Variants in DCC observed in about 807,000 individuals in gnomAD.
The protein encoded by DCC is netrin receptor DCC.
In DCC, 58 loss-of-function variants were observed where a neutral mutation model predicts 172.5. The observed-to-expected ratio is 0.34, with a 90% CI of 0.27 to 0.42. DCC has a LOEUF of 0.42. Ranked by LOEUF, DCC falls within the 10% of genes least tolerant of loss-of-function variation. The pLI, the probability that DCC is intolerant of heterozygous loss-of-function variation, is 1.00. For missense variants in DCC, 1,740 were observed against 1,791.0 expected (o/e 0.97, Z 0.51); for synonymous variants, 709 against 644.5 (o/e 1.10, Z -1.52).
At chr18:53,430,481 A>T (rs540334122) in intron 21 of DCC, among the ~76,000 whole-genome samples, 18 of 152,288 alleles carry the variant, frequency 1.2e-4, no homozygotes, top group East Asian at 7.7e-4. Context: ...ACTAGACTCT[A>T]GGACTGAAAT....
At chr18:52,372,548 C>T (rs114422250) in intron 1 of DCC, among the ~76,000 whole-genome samples, 122 of 152,246 alleles carry the variant, frequency 8.0e-4, no homozygotes, top group African/African-American at 2.7e-3. Context: ...TATATACTAC[C>T]TATTACATGG....
chr18:53,057,144 T>A (rs542969707), intron 5 of DCC, among the ~76,000 whole-genome samples: 2 of 149,160 alleles, frequency 1.3e-5, no homozygotes, highest in African/African-American at 4.9e-5. Context: ...AAAATACTTA[T>A]GGGCATTTAT....
rs144273140 is a variant in DCC at position 53,179,288 on chromosome 18, T to A, written c.1573+172T>A. ...TTTAAAAGATAACTTGTAAATAGAA[T>A]GGCCTCTTCACTTAGGCCACATACC... On this transcript the variant is annotated intron_variant, in intron 9 of 28. Coordinates refer to ENST00000442544, the MANE Select transcript of DCC (RefSeq NM_005215.4). 1.6e-3 allele frequency among the ~76,000 whole-genome samples: 244 copies of A among 152,354 alleles called. 1 individual carries two copies. The highest frequency in any genetic ancestry group is 5.5e-3 in the African/African-American group (230 of 41,592).
chr18:52,436,188 T>C (rs748601892), intron 1 of DCC, among the ~76,000 whole-genome samples: 19 of 152,196 alleles, frequency 1.2e-4, no homozygotes, highest in Non-Finnish European at 5.9e-5. Flanking sequence ...ACAAAGTTCA[T>C]CTGGACTAAG....
At chr18:52,865,546 ATGGTATCTCAT>A (rs772825385) in intron 2 of DCC, among the ~76,000 whole-genome samples, 36 of 151,540 alleles carry the variant, frequency 2.4e-4, no homozygotes, top group Admixed American at 3.3e-4. Flanking sequence ...CTGGCATGAG[ATGGTATCTCAT>A]TGTGGTTTTG....
intron 1 of DCC, among the ~76,000 whole-genome samples, chr18:52,510,877 C>T (rs2144646879): frequency 6.6e-6 from 1 of 152,054 alleles, no homozygotes; most frequent in African/African-American, 2.4e-5. Context: ...TAAATGATCC[C>T]TGAGAGAGTT....
chr18:53,007,239 G>A (rs1289286294), intron 5 of DCC, among the ~76,000 whole-genome samples: 1 of 152,162 alleles, frequency 6.6e-6, no homozygotes, highest in African/African-American at 2.4e-5. Flanking sequence ...ATTTAGGGCT[G>A]TGTGGTTGGT....
intron 21 of DCC, among the ~76,000 whole-genome samples, chr18:53,428,331 T>TA (rs1290521604): frequency 9.4e-5 from 3 of 31,950 alleles, no homozygotes; most frequent in African/African-American, 2.2e-4. Context: ...TATAATATAA[T>TA]ATATTGTATA....
chr18:52,710,142 C>T (rs1003274764), intron 1 of DCC, among the ~76,000 whole-genome samples: 9 of 152,160 alleles, frequency 5.9e-5, no homozygotes, highest in Non-Finnish European at 1.0e-4. Context: ...TACAAAGATG[C>T]TTATTGCAGC....
At chr18:53,011,023 A>T (rs2041722975) in intron 5 of DCC, among the ~76,000 whole-genome samples, 1 of 151,354 alleles carries the variant, frequency 6.6e-6, no homozygotes, top group African/African-American at 2.4e-5. Flanking sequence ...TACAAATGCA[A>T]ATTTAAATTG....
intron 2 of DCC, among the ~76,000 whole-genome samples, chr18:52,778,080 G>A (rs2037465803): frequency 6.6e-6 from 1 of 152,160 alleles, no homozygotes; most frequent in Admixed American, 6.5e-5. Context: ...GCAAATCGTG[G>A]CAAAAGTGAA....
chr18:53,076,300 A>G (rs145263001), intron 7 of DCC, among the ~76,000 whole-genome samples: 12 of 152,250 alleles, frequency 7.9e-5, no homozygotes, highest in East Asian at 7.7e-4. Flanking sequence ...GGTCACTGGG[A>G]GTCATGGTAA....
chr18:52,874,780 A>G (rs980890269), intron 2 of DCC, among the ~76,000 whole-genome samples: 5 of 152,196 alleles, frequency 3.3e-5, no homozygotes, highest in African/African-American at 7.2e-5. Context: ...GAGGTCATAG[A>G]GACAGAAGGC....
intron 1 of DCC, among the ~76,000 whole-genome samples, chr18:52,535,482 A>T (rs975509911): frequency 3.3e-5 from 5 of 152,192 alleles, no homozygotes; most frequent in Non-Finnish European, 5.9e-5. Flanking sequence ...TTTGTAGAAT[A>T]TCTCTTGTTA....
At chr18:52,841,246 G>A (rs1416272590) in intron 2 of DCC, among the ~76,000 whole-genome samples, 1 of 151,724 alleles carries the variant, frequency 6.6e-6, no homozygotes, top group Admixed American at 6.6e-5. Flanking sequence ...TTTCTTCTAA[G>A]TACATGGAGA....
intron 15 of DCC, among the ~76,000 whole-genome samples, chr18:53,354,987 A>G (rs983838654): frequency 6.6e-6 from 1 of 152,206 alleles, no homozygotes; most frequent in South Asian, 2.1e-4. Context: ...TCAGCTTTCT[A>G]CATATGGCTA....
intron 7 of DCC, among the ~76,000 whole-genome samples, chr18:53,099,632 C>T (rs575248979): frequency 2.6e-5 from 4 of 152,036 alleles, no homozygotes; most frequent in Non-Finnish European, 5.9e-5. Flanking sequence ...TTGTTGAGCA[C>T]TATATATTTG....
In DCC at chr18:53,535,896, C is replaced by T. The variant is rs1030625783; in HGVS notation, c.*5243C>T. The T allele has an allele frequency of 6.6e-6, 1 of 152,038 alleles. No individual in the cohort carries two copies. Among genetic ancestry groups the T allele is most frequent in the African/African-American group, 2.4e-5 (1 of 41,388 alleles). The allele number at this position is 152,038 out of a possible 1,614,324, so 9.4% of individuals were successfully genotyped here. A position where few individuals can be genotyped will look rare whatever the true frequency, so the allele number is the denominator to read the frequency against. ...TTGTTTAATAAATAAAGTTTTGATA[C>T]AAAGTTCTTTTTTCATGTTATTTAT... On this transcript the variant is annotated 3_prime_UTR_variant, in exon 29 of 29. Coordinates refer to ENST00000442544, the MANE Select transcript of DCC (RefSeq NM_005215.4).
intron 1 of DCC, among the ~76,000 whole-genome samples, chr18:52,343,115 G>A (rs117782064): frequency 7.2e-5 from 11 of 152,296 alleles, no homozygotes; most frequent in East Asian, 1.9e-4. Flanking sequence ...TGCAGTTTGC[G>A]CAGCTCGCAG....
Sources: allele counts gnomAD v4.1 joint callset (sites outside exome capture counted in the v4.1 genomes callset), GRCh38; gene constraint gnomAD v4.1.1; transcripts MANE v1.5; gene names NCBI Gene and HGNC (gene_info 2026-07-23, HGNC 2026-07-21).